The following TNFSF4 variants were observed in gnomAD, a reference collection of about 807,000 sequenced individuals.
The protein encoded by TNFSF4 is TNF superfamily member 4, also known as tumor necrosis factor ligand superfamily member 4.
In TNFSF4, 4 loss-of-function variants were observed where a neutral mutation model predicts 7.3. That is an observed-to-expected ratio of 0.55 (90% CI 0.27 to 1.25). The LOEUF (loss-of-function observed/expected upper bound fraction) is 1.25, where lower values mean the gene tolerates loss of function less well. Ranked by LOEUF, TNFSF4 falls within the 50% of genes most tolerant of loss-of-function variation. The pLI, the probability that TNFSF4 is intolerant of heterozygous loss-of-function variation, is 0.12. For missense variants in TNFSF4, 181 were observed against 208.8 expected, an observed-to-expected ratio of 0.87 and a Z score of 0.82; for synonymous variants, 76 against 83.7, an observed-to-expected ratio of 0.91 and a Z score of 0.50.
chr1:173,348,964 G>A, the TNFSF4 span, among the ~76,000 whole-genome samples: 11 of 152,058 alleles, frequency 7.2e-5, no homozygotes, highest in Admixed American at 2.0e-4. Context: ...TCTGAACAAC[G>A]GTGAGCAGTG....
At chr1:173,291,936 A>G in the TNFSF4 span, among the ~76,000 whole-genome samples, 4 of 151,874 alleles carry the variant, frequency 2.6e-5, no homozygotes, top group East Asian at 7.8e-4. Flanking sequence ...CAACCTCCCC[A>G]AGATTGAAAC....
chr1:173,375,545 A>G, the TNFSF4 span, among the ~76,000 whole-genome samples: 1 of 152,124 alleles, frequency 6.6e-6, no homozygotes, highest in Non-Finnish European at 1.5e-5. Context: ...AAACTCACCA[A>G]TCAGCACTCT....
the TNFSF4 span, among the ~76,000 whole-genome samples, chr1:173,423,055 G>T: frequency 6.7e-6 from 1 of 148,978 alleles, no homozygotes; most frequent in South Asian, 2.2e-4. Flanking sequence ...TGCAACCTCC[G>T]CCTCCCAGGT....
chr1:173,229,343 G>A, the TNFSF4 span, among the ~76,000 whole-genome samples: 7 of 152,272 alleles, frequency 4.6e-5, no homozygotes, highest in East Asian at 9.7e-4. Context: ...AGCTTCATAA[G>A]TGAAGGAGAA....
At chr1:173,174,282 A>T in the TNFSF4 span, 1 of 152,224 alleles carries the variant, frequency 6.6e-6, no homozygotes, top group African/African-American at 2.4e-5. Context: ...ACAAGTCTCT[A>T]GGAAATTCCA....
chr1:173,261,488 T>G, the TNFSF4 span, among the ~76,000 whole-genome samples: 605 of 152,106 alleles, frequency 4.0e-3, 5 homozygotes, highest in African/African-American at 0.014. Flanking sequence ...AGAGTGAAAC[T>G]GAAGGAGATA....
At chr1:173,431,031 A>C in the TNFSF4 span, among the ~76,000 whole-genome samples, 1 of 152,300 alleles carries the variant, frequency 6.6e-6, no homozygotes, top group African/African-American at 2.4e-5. Flanking sequence ...CATTTCTTAG[A>C]ATGTGGTTCA....
the TNFSF4 span, among the ~76,000 whole-genome samples, chr1:173,374,517 C>T: frequency 6.6e-6 from 1 of 152,310 alleles, no homozygotes; most frequent in Admixed American, 6.5e-5. Context: ...TCAGCCAGAC[C>T]AGCCTCGATA....
At chr1:173,286,902 GAAAAAAATCCAATGGAC>G in the TNFSF4 span, among the ~76,000 whole-genome samples, 1 of 151,610 alleles carries the variant, frequency 6.6e-6, no homozygotes, top group African/African-American at 2.4e-5. Flanking sequence ...ATGGAAAAGA[GAAAAAAATCCAATGGAC>G]AAAAAAGCCA....
At chr1:173,365,073 T>A in the TNFSF4 span, among the ~76,000 whole-genome samples, 1 of 147,372 alleles carries the variant, frequency 6.8e-6, no homozygotes, top group Non-Finnish European at 1.5e-5. Context: ...GGAAACAGTG[T>A]GAGACCCTGT....
the TNFSF4 span, among the ~76,000 whole-genome samples, chr1:173,239,075 C>A: frequency 1.3e-5 from 2 of 152,202 alleles, no homozygotes; most frequent in African/African-American, 4.8e-5. Flanking sequence ...CACTGAACTA[C>A]TGTATAATTA....
the TNFSF4 span, among the ~76,000 whole-genome samples, chr1:173,247,542 C>G: frequency 6.6e-6 from 1 of 152,168 alleles, no homozygotes; most frequent in South Asian, 2.1e-4. Context: ...AAATAGTGGC[C>G]ACTGAATTCA....
the TNFSF4 span, among the ~76,000 whole-genome samples, chr1:173,286,353 A>C: frequency 6.6e-6 from 1 of 152,234 alleles, no homozygotes; most frequent in East Asian, 1.9e-4. Flanking sequence ...TCTGACTTCA[A>C]ACCATTATGA....
chr1:173,229,752 TG>T, the TNFSF4 span, among the ~76,000 whole-genome samples: 32,258 of 151,406 alleles, frequency 0.21, 3,853 homozygotes, highest in Admixed American at 0.32. Flanking sequence ...ACCAAGCAAA[TG>T]GAAAACAAAA....
the TNFSF4 span, among the ~76,000 whole-genome samples, chr1:173,373,452 T>C: frequency 6.6e-6 from 1 of 152,112 alleles, no homozygotes; most frequent in Non-Finnish European, 1.5e-5. Flanking sequence ...TAGTTTTCTC[T>C]CCTCAGGGTG....
the TNFSF4 span, among the ~76,000 whole-genome samples, chr1:173,333,462 T>G: frequency 0.014 from 2,183 of 152,264 alleles, 23 homozygotes; most frequent in Non-Finnish European, 0.021. Context: ...AAAACTCATA[T>G]GCTGAAGCCC....
the TNFSF4 span, among the ~76,000 whole-genome samples, chr1:173,387,868 T>A: frequency 1.3e-4 from 20 of 152,180 alleles, no homozygotes; most frequent in Non-Finnish European, 2.4e-4. Flanking sequence ...ATTCTCACAC[T>A]AAAAAAATGA....
the TNFSF4 span, among the ~76,000 whole-genome samples, chr1:173,337,941 A>G: frequency 6.6e-6 from 1 of 152,194 alleles, no homozygotes; most frequent in African/African-American, 2.4e-5. Flanking sequence ...GTTGGATAGG[A>G]TCACTTGTTC....
the TNFSF4 span, among the ~76,000 whole-genome samples, chr1:173,307,878 A>T: frequency 6.6e-6 from 1 of 151,950 alleles, no homozygotes; most frequent in Non-Finnish European, 1.5e-5. Context: ...TCAAAATAAA[A>T]GTTTAAAAAT....
Sources: gnomAD v4.1 joint callset for allele counts (sites outside exome capture counted in the v4.1 genomes callset) on GRCh38, gnomAD v4.1.1 for gene constraint, MANE v1.5 for transcripts, NCBI Gene and HGNC (gene_info 2026-07-23, HGNC 2026-07-21) for gene names.